GOLGA4: variants seen among roughly 807,000 people sequenced by gnomAD.
GOLGA4 encodes golgin A4.
In GOLGA4, 169 loss-of-function variants were observed where a neutral mutation model predicts 265.9. That is an observed-to-expected ratio of 0.64 (90% CI 0.56 to 0.72). The LOEUF (loss-of-function observed/expected upper bound fraction) is 0.72, where lower values mean the gene tolerates loss of function less well. GOLGA4 is among the 30% of genes least tolerant of loss of function. GOLGA4 has a pLI of 0.00. For missense variants in GOLGA4, 2,482 were observed against 2,483.4 expected (o/e 1.00, Z 0.01); for synonymous variants, 923 against 855.8 (o/e 1.08, Z -1.37).
intron 10 of GOLGA4, among the ~76,000 whole-genome samples, chr3:37,312,242 G>A (rs563548961): frequency 5.9e-5 from 9 of 152,270 alleles, no homozygotes; most frequent in South Asian, 4.1e-4. Context: ...TTCCTCCAGC[G>A]TTTAAACCTT....
At chr3:37,320,830 T>A (rs2096952813) in intron 12 of GOLGA4, among the ~76,000 whole-genome samples, 3 of 152,254 alleles carry the variant, frequency 2.0e-5, no homozygotes, top group South Asian at 4.2e-4. Context: ...ACTATTAAAA[T>A]TTCCTCCTTT....
At chr3:37,338,389 A>G (rs2097021508) in intron 19 of GOLGA4, among the ~76,000 whole-genome samples, 1 of 152,124 alleles carries the variant, frequency 6.6e-6, no homozygotes, top group African/African-American at 2.4e-5. Context: ...ATTTTCTTGG[A>G]ATATGTTTGA....
At chr3:37,349,075 T>C (rs753028984) in intron 21 of GOLGA4, among the ~76,000 whole-genome samples, 3 of 152,172 alleles carry the variant, frequency 2.0e-5, no homozygotes, top group Admixed American at 6.6e-5. Context: ...GATTCTCCTT[T>C]TCTGGCTCTA....
intron 18 of GOLGA4, 34 bp downstream of exon 18, chr3:37,337,197 T>TTTTTTTTTTTTTTTTTTTTTTA: frequency 8.5e-7 from 1 of 1,181,372 alleles, no homozygotes; most frequent in Non-Finnish European, 1.2e-6. Context: ...TTTTTTCTTT[T>TTTTTTTTTTTTTTTTTTTTTTA]TTTTCTTTGA....
In GOLGA4 at chr3:37,323,949, C is replaced by T; in HGVS notation, c.2063C>T (p.Ser688Leu). The T allele has an allele frequency of 6.2e-7, 1 of 1,613,376 alleles. No homozygotes were observed. The highest frequency in any genetic ancestry group is 8.5e-7 in the Non-Finnish European group (1 of 1,179,892). ...KLDVKQTELE[S>L]LSSELSEVLK... Reference sequence around the variant, plus strand: ...GATGTGAAGCAAACAGAACTAGAATCATTATCTTCTGAACTGTCAGAAGTA... The same window carrying T: ...GATGTGAAGCAAACAGAACTAGAATTATTATCTTCTGAACTGTCAGAAGTA... The change falls in exon 14 of 24, where the codon TCA becomes TTA. Residue 688 changes from serine (S) to leucine (L), a missense_variant. Around this residue, in one of 3 missense-constraint regions of GOLGA4, gnomAD observed 1,536 missense variants for 1,483.7 expected, o/e 1.04. Coordinates refer to ENST00000361924, the MANE Select transcript of GOLGA4 (RefSeq NM_002078.5).
At chr3:37,365,389 C>T (rs1024297319) in intron 23 of GOLGA4, among the ~76,000 whole-genome samples, 46 of 152,172 alleles carry the variant, frequency 3.0e-4, no homozygotes, top group African/African-American at 1.1e-3. Flanking sequence ...CCTGCCTCAG[C>T]CTCCCGAGTA....
chr3:37,260,376 C>T (rs111860456), intron 2 of GOLGA4, among the ~76,000 whole-genome samples: 348 of 149,700 alleles, frequency 2.3e-3, no homozygotes, highest in Non-Finnish European at 3.9e-3. Context: ...AATCCCAGCA[C>T]CTAGGAAGGC....
Position 37,319,085 on chromosome 3 carries a change from C to A in GOLGA4, c.1436C>A (p.Ala479Asp). 1 of 1,599,250 alleles carries A rather than the reference C, an allele frequency of 6.3e-7. No homozygotes were observed. Among genetic ancestry groups the A allele is most frequent in the South Asian group, 1.1e-5 (1 of 87,628 alleles). ...CAGAAATCCTCAGAAGAACAAATTG[C>A]TAAGCTACAGAAGCTTCATGAAAAG... The part of the protein sequence containing the change: ...VMKKSSEEQI[A>D]KLQKLHEKEL... Residue 479 changes from alanine to aspartate, a missense_variant, in exon 12 of 24, where the codon GCT (alanine) becomes GAT (aspartate). Ala to Asp is a moderately radical substitution (Grantham distance 126). Coordinates refer to ENST00000361924, the MANE Select transcript of GOLGA4 (RefSeq NM_002078.5).
In GOLGA4 at chr3:37,300,605, G is replaced by A. The variant is rs2096890109; in HGVS notation, c.1086+1234G>A. 2.0e-5 allele frequency among the ~76,000 whole-genome samples: 3 copies of A among 151,928 alleles called. No homozygotes were observed. The South Asian group carries it at 6.2e-4, about 32-fold the overall frequency. ...CAGTTAACATCTCATGACTAATCTT[G>A]TTTCATCTGTACCTTCTCAACTGTC... On this transcript the variant is annotated intron_variant, in intron 9 of 23. Coordinates refer to ENST00000361924, the MANE Select transcript of GOLGA4 (RefSeq NM_002078.5).
At position 37,329,107 on chromosome 3, in the gene GOLGA4, T is replaced by C; in HGVS notation, c.6192+14T>C. On this transcript the variant is annotated intron_variant, in intron 16 of 23. Transcript: ENST00000361924. ...GAAATCCTTGATGTTTGTACCTTAT[T>C]TCTTCTCTCTCACTTTTGAAATTTA... 6.3e-7 allele frequency: 1 copy of C among 1,575,082 alleles called. No homozygotes were observed. Among genetic ancestry groups the C allele is most frequent in the South Asian group, 1.2e-5 (1 of 84,984 alleles).
rs141145798 is a variant in GOLGA4, at chr3:37,282,120, A to G, written c.325A>G (p.Ser109Gly). The change falls in exon 3 of 24, where the codon AGT becomes GGT. Residue 109 changes from serine to glycine, a missense_variant. Coordinates refer to ENST00000361924, the MANE Select transcript of GOLGA4 (RefSeq NM_002078.5). ...RESLNRLDLD[S>G]STASFDPPSD... ...ATCCCTGAATCGACTTGACCTGGACAGTTCTACTGCCAGTTTTGATCCACC... is the reference window on the plus strand; with the variant it reads ...ATCCCTGAATCGACTTGACCTGGACGGTTCTACTGCCAGTTTTGATCCACC... The G allele has an allele frequency of 1.2e-6, 2 of 1,614,212 alleles. No homozygotes were observed. The highest frequency in any genetic ancestry group is 1.3e-5 in the African/African-American group (1 of 75,062).
At chr3:37,251,024 G>T (rs532932210) in intron 1 of GOLGA4, among the ~76,000 whole-genome samples, 1 of 151,838 alleles carries the variant, frequency 6.6e-6, no homozygotes, top group Non-Finnish European at 1.5e-5. Flanking sequence ...AATAATTTTG[G>T]TTTATAGAAA....
At chr3:37,290,844 G>A (rs1386075572) in intron 5 of GOLGA4, among the ~76,000 whole-genome samples, 1 of 152,122 alleles carries the variant, frequency 6.6e-6, no homozygotes, top group East Asian at 1.9e-4. Context: ...TGTTTCTCCT[G>A]CCTTATATTA....
intron 20 of GOLGA4, among the ~76,000 whole-genome samples, chr3:37,346,054 G>A (rs2097055245): frequency 6.6e-6 from 1 of 152,004 alleles, no homozygotes; most frequent in Admixed American, 6.5e-5. Context: ...ACTCAAATAT[G>A]ATATATAGAA....
intron 20 of GOLGA4, among the ~76,000 whole-genome samples, chr3:37,344,492 CTTTTTTTTTTT>C (rs56761489): frequency 3.4e-5 from 4 of 118,214 alleles, no homozygotes; most frequent in East Asian, 2.3e-4. Flanking sequence ...ACCTCACTGT[CTTTTTTTTTTT>C]TTTTTTTTTG....
chr3:37,265,135 G>GTGTA (rs2096780193), intron 2 of GOLGA4, among the ~76,000 whole-genome samples: 2 of 151,840 alleles, frequency 1.3e-5, no homozygotes, highest in African/African-American at 4.8e-5. Flanking sequence ...GTGTGTGTGT[G>GTGTA]TGTGTGTGTG....
chr3:37,324,231 T>C lies in GOLGA4; in HGVS notation c.2345T>C (p.Leu782Ser), dbSNP rs2096963295. Reference protein sequence around the residue: ...LKEHQAHVENLEADIKRSEGE... With the variant: ...LKEHQAHVENSEADIKRSEGE... ...GAGCATCAGGCTCATGTAGAAAATT[T>C]AGAGGCAGATATTAAAAGGTCTGAA... Residue 782 changes from leucine (L) to serine (S), a missense_variant, in exon 14 of 24, where the codon TTA becomes TCA. Physicochemically the swap from Leu to Ser is moderately radical, Grantham distance 145. Coordinates refer to ENST00000361924, the MANE Select transcript of GOLGA4 (RefSeq NM_002078.5). The C allele has an allele frequency of 6.2e-7, 1 of 1,614,192 alleles. No individual in the cohort carries two copies. The highest frequency in any genetic ancestry group is 8.5e-7 in the Non-Finnish European group (1 of 1,180,024).
At chr3:37,295,171 C>CT in intron 6 of GOLGA4, 94 bp downstream of exon 6, 1 of 635,492 alleles carries the variant, frequency 1.6e-6, no homozygotes, top group Non-Finnish European at 2.6e-6. Flanking sequence ...AAAGTTTTTT[C>CT]TTTTTTAAGA....
At chr3:37,310,883 T>C (rs972174241) in intron 10 of GOLGA4, among the ~76,000 whole-genome samples, 2 of 152,180 alleles carry the variant, frequency 1.3e-5, no homozygotes, top group African/African-American at 4.8e-5. Context: ...CACTCTTGCA[T>C]GTTGGCAGAA....
Sources: gnomAD v4.1 joint callset for allele counts (sites outside exome capture counted in the v4.1 genomes callset) on GRCh38, gnomAD v4.1.1 for gene constraint, gnomAD v4.1.1 regional missense constraint, MANE v1.5 for transcripts, NCBI Gene and HGNC (gene_info 2026-07-23, HGNC 2026-07-21) for gene names.